Variants in BCAT1 observed in about 807,000 individuals in gnomAD.
The protein encoded by BCAT1 is branched chain amino acid transaminase 1.
BCAT1 carries 48 observed loss-of-function variants against 52.4 expected under a neutral mutation model. The ratio of observed to expected loss-of-function variants is 0.92; its 90% CI spans 0.73 to 1.16. The LOEUF is 1.16. BCAT1 is among the 50% of genes most tolerant of loss of function. BCAT1 has a pLI of 0.00. For missense variants in BCAT1, 451 were observed against 457.1 expected (o/e 0.99, Z 0.12); for synonymous variants, 167 against 161.3 (o/e 1.04, Z -0.27).
At chr12:24,839,217 T>A (rs140669467) in intron 7 of BCAT1, among the ~76,000 whole-genome samples, 2 of 152,194 alleles carry the variant, frequency 1.3e-5, no homozygotes, top group African/African-American at 4.8e-5. Context: ...ATGATTTTGA[T>A]TAAGAGCTCA....
intron 3 of BCAT1, among the ~76,000 whole-genome samples, chr12:24,891,349 A>G (rs962471362): frequency 6.6e-6 from 1 of 152,182 alleles, no homozygotes; most frequent in African/African-American, 2.4e-5. Flanking sequence ...TTAGCATGCT[A>G]AGAGACACTC....
chr12:24,825,983 A>G (rs1020053601), intron 10 of BCAT1, among the ~76,000 whole-genome samples: 20 of 152,160 alleles, frequency 1.3e-4, no homozygotes, highest in African/African-American at 4.8e-4. Context: ...AGGCTGAGAC[A>G]GGAGGATCCC....
chr12:24,947,663 ATAAAAGTATCTTG>A (rs1943951583), intron 1 of BCAT1, among the ~76,000 whole-genome samples: 1 of 152,240 alleles, frequency 6.6e-6, no homozygotes, highest in African/African-American at 2.4e-5. Context: ...TCCCCATGTT[ATAAAAGTATCTTG>A]TGGAAGGGAC....
chr12:24,896,336 C>A (rs1213782538), intron 2 of BCAT1, among the ~76,000 whole-genome samples: 1 of 152,224 alleles, frequency 6.6e-6, no homozygotes, highest in African/African-American at 2.4e-5. Context: ...CCAAATGCAG[C>A]CAGCTGGCCT....
chr12:24,885,607 G>A (rs1265895530), intron 3 of BCAT1, among the ~76,000 whole-genome samples: 1 of 152,102 alleles, frequency 6.6e-6, no homozygotes, highest in Non-Finnish European at 1.5e-5. Context: ...AATATCCAAG[G>A]CACTCTTGGA....
At chr12:24,857,669 C>T (rs1341767428) in intron 5 of BCAT1, among the ~76,000 whole-genome samples, 1 of 152,196 alleles carries the variant, frequency 6.6e-6, no homozygotes, top group East Asian at 1.9e-4. Flanking sequence ...GCACCACAGG[C>T]TCCATTTTGG....
At chr12:24,943,790 C>T in intron 1 of BCAT1, among the ~76,000 whole-genome samples, 1 of 151,922 alleles carries the variant, frequency 6.6e-6, no homozygotes, top group Non-Finnish European at 1.5e-5. Context: ...CAAGACCTTC[C>T]TGGCTAACAT....
chr12:24,935,831 A>G (rs1379983396), intron 1 of BCAT1, among the ~76,000 whole-genome samples: 2 of 152,160 alleles, frequency 1.3e-5, no homozygotes, highest in African/African-American at 4.8e-5. Context: ...TATGACAAGG[A>G]TCTTTTTCCT....
chr12:24,854,194 T>C (rs1459851367), intron 5 of BCAT1, among the ~76,000 whole-genome samples: 1 of 152,142 alleles, frequency 6.6e-6, no homozygotes, highest in Non-Finnish European at 1.5e-5. Flanking sequence ...ATTTCAGAGG[T>C]GATTTGAATG....
chr12:24,931,419 G>A (rs991185386), intron 1 of BCAT1, among the ~76,000 whole-genome samples: 2 of 152,046 alleles, frequency 1.3e-5, no homozygotes, highest in Admixed American at 6.6e-5. Context: ...GAAAGCAGAG[G>A]AGACGAAATC....
At chr12:24,856,384 G>A (rs1438614740) in intron 5 of BCAT1, among the ~76,000 whole-genome samples, 1 of 152,064 alleles carries the variant, frequency 6.6e-6, no homozygotes, top group Non-Finnish European at 1.5e-5. Flanking sequence ...CCTATTATGG[G>A]TTGAATTGTG....
intron 1 of BCAT1, among the ~76,000 whole-genome samples, chr12:24,922,593 C>T (rs1565500128): frequency 6.6e-6 from 1 of 152,186 alleles, no homozygotes; most frequent in Non-Finnish European, 1.5e-5. Context: ...AAAATTATGG[C>T]CAGGCACAGT....
chr12:24,935,396 T>C (rs1943737920), intron 1 of BCAT1, among the ~76,000 whole-genome samples: 1 of 152,102 alleles, frequency 6.6e-6, no homozygotes, highest in Non-Finnish European at 1.5e-5. Flanking sequence ...AGGAACTCAA[T>C]ACAAAGTCCC....
Position 24,948,598 on chromosome 12 carries a change from G to C in BCAT1, c.6+329C>G, listed in dbSNP as rs539506039. 4.5e-4 allele frequency among the ~76,000 whole-genome samples: 68 copies of C among 152,198 alleles called. No homozygotes were observed. In the South Asian group the frequency reaches 7.1e-3, roughly 16 times the overall value. On this transcript the variant is annotated intron_variant, in intron 1 of 10. Transcript: ENST00000261192. ...AAAATTCCCCACCTCCTGTGCATAGGAGAAACTGAGAGAAGCCCTCACTTC... is the reference window on the plus strand; with the variant it reads ...AAAATTCCCCACCTCCTGTGCATAGCAGAAACTGAGAGAAGCCCTCACTTC...
At chr12:24,931,204 C>T (rs1943671156) in intron 1 of BCAT1, among the ~76,000 whole-genome samples, 1 of 151,948 alleles carries the variant, frequency 6.6e-6, no homozygotes, top group Non-Finnish European at 1.5e-5. Flanking sequence ...CTGCACCTGG[C>T]CCAGGATGCT....
chr12:24,868,034 A>C (rs1314436778), intron 5 of BCAT1, among the ~76,000 whole-genome samples: 1 of 152,212 alleles, frequency 6.6e-6, no homozygotes, highest in Non-Finnish European at 1.5e-5. Flanking sequence ...AAGATAAAGC[A>C]GTGTTAGCAT....
At chr12:24,818,103 T>C (rs1216825168) in intron 10 of BCAT1, 54 bp from the exon 11 acceptor site, 6 of 1,581,426 alleles carry the variant, frequency 3.8e-6, no homozygotes, top group Middle Eastern at 1.7e-4. Context: ...AGGGCAGAAA[T>C]AGCTTACAAA....
chr12:24,902,197 A>T, intron 1 of BCAT1: 1 of 1,432,996 alleles, frequency 7.0e-7, no homozygotes, highest in Non-Finnish European at 9.1e-7. Context: ...CAAAAAAACA[A>T]TTGTCTCCCT....
At position 24,832,833 on chromosome 12, in the gene BCAT1, T is replaced by A. The variant is rs756697146; in HGVS notation, c.934A>T (p.Thr312Ser). 2.5e-5 allele frequency: 41 copies of A among 1,612,226 alleles called. No homozygotes were observed. The South Asian group carries it at 4.4e-4, about 17-fold the overall frequency. The change falls in exon 9 of 11, where the codon ACC becomes TCC. Residue 312 changes from threonine (T) to serine (S), a missense_variant. Transcript: ENST00000261192. The part of the protein sequence containing the change: ...GEFKVSERYL[T>S]MDDLTTALEG... ...AGGGCTGTTGTCAAGTCATCCATGG[T>A]GAGGTATCTCTCTGACACCTTAAAT...
Sources: gnomAD v4.1 joint callset for allele counts (sites outside exome capture counted in the v4.1 genomes callset) on GRCh38, gnomAD v4.1.1 for gene constraint, MANE v1.5 for transcripts, NCBI Gene and HGNC (gene_info 2026-07-23, HGNC 2026-07-21) for gene names.